The following NME9 variants were observed in gnomAD, a reference collection of about 807,000 sequenced individuals.
NME9 encodes NME/NM23 family member 9.
A neutral mutation model predicts 44.4 loss-of-function variants in NME9; 48 were observed. The observed-to-expected ratio is 1.08, with a 90% CI of 0.86 to 1.37. NME9 has a LOEUF of 1.37. Ranked by LOEUF, NME9 falls within the 40% of genes most tolerant of loss-of-function variation. The pLI is 0.00. For synonymous variants in NME9, 139 were observed against 147.1 expected, an observed-to-expected ratio of 0.94 and a Z score of 0.40; for missense variants, 325 against 405.2, an observed-to-expected ratio of 0.80 and a Z score of 1.70.
At chr3:138,293,043 C>T (rs1370198682) in intron 8 of NME9, among the ~76,000 whole-genome samples, 2 of 152,212 alleles carry the variant, frequency 1.3e-5, no homozygotes, top group East Asian at 3.8e-4. Flanking sequence ...ACCCTCCCCT[C>T]CAGGCTTTGC....
intron 1 of NME9, 53 bp downstream of exon 1, chr3:138,329,250 C>T (rs1426004051): frequency 4.1e-6 from 6 of 1,462,730 alleles, no homozygotes; most frequent in Non-Finnish European, 5.6e-6. Context: ...TAATCACCCT[C>T]CTCTTCCCCG....
At chr3:138,276,634 A>G (rs2049322837) in intron 8 of NME9, among the ~76,000 whole-genome samples, 1 of 152,202 alleles carries the variant, frequency 6.6e-6, no homozygotes, top group Admixed American at 6.5e-5. Flanking sequence ...CTAGCAGTGA[A>G]CAATTGGATA....
chr3:138,291,496 G>T (rs982175885), intron 8 of NME9, among the ~76,000 whole-genome samples: 1 of 152,150 alleles, frequency 6.6e-6, no homozygotes, highest in African/African-American at 2.4e-5. Flanking sequence ...TTAGGCACTG[G>T]AGATATAATG....
At chr3:138,328,965 A>G (rs998561069) in intron 1 of NME9, among the ~76,000 whole-genome samples, 1 of 152,222 alleles carries the variant, frequency 6.6e-6, no homozygotes, top group African/African-American at 2.4e-5. Context: ...CAAGAACAAA[A>G]TAACGGTCAC....
chr3:138,281,178 T>C (rs1273839109), intron 8 of NME9, among the ~76,000 whole-genome samples: 1 of 152,200 alleles, frequency 6.6e-6, no homozygotes, highest in Non-Finnish European at 1.5e-5. Flanking sequence ...CAGTTGTTCA[T>C]ATTAGTATAT....
chr3:138,317,073 TTTAA>T (rs2053138164), intron 4 of NME9, among the ~76,000 whole-genome samples: 1 of 152,220 alleles, frequency 6.6e-6, no homozygotes, highest in Admixed American at 6.5e-5. Flanking sequence ...GGATTTATGC[TTTAA>T]TTGCTATGGG....
At position 138,301,073 on chromosome 3, in the gene NME9, A is replaced by C; in HGVS notation, c.*567T>G. On this transcript the variant is annotated 3_prime_UTR_variant, in exon 11 of 11. Coordinates refer to ENST00000333911, the MANE Select transcript of NME9 (RefSeq NM_001349018.2). ...CCCAGTATCCTCTGAGATGACACTTATATCTCACAACAGGATGTAATAACT... is the reference window on the plus strand; with the variant it reads ...CCCAGTATCCTCTGAGATGACACTTCTATCTCACAACAGGATGTAATAACT... 1 of 972,458 alleles carries C rather than the reference A, an allele frequency of 1.0e-6. No homozygotes were observed. The highest frequency in any genetic ancestry group is 1.2e-6 in the Non-Finnish European group (1 of 818,136). 60.2% of individuals were successfully genotyped at this position (972,458 alleles called of 1,614,324 possible).
chr3:138,324,660 T>C, intron 2 of NME9: 1 of 645,460 alleles, frequency 1.5e-6, no homozygotes, highest in South Asian at 1.6e-5. Flanking sequence ...CTGACTCATT[T>C]CCTGAACTGA....
chr3:138,317,146 A>T (rs1351734769), intron 4 of NME9, among the ~76,000 whole-genome samples: 1 of 152,176 alleles, frequency 6.6e-6, no homozygotes, highest in Non-Finnish European at 1.5e-5. Flanking sequence ...CTCTGATGTC[A>T]AGTGTGTCTG....
chr3:138,264,389 G>A (rs913699544), intron 8 of NME9, among the ~76,000 whole-genome samples: 1 of 150,802 alleles, frequency 6.6e-6, no homozygotes, highest in Non-Finnish European at 1.5e-5. Context: ...GTGTGAGGGG[G>A]AACTACAGGC....
intron 8 of NME9, among the ~76,000 whole-genome samples, chr3:138,264,880 T>C (rs1560012794): frequency 6.6e-6 from 1 of 151,272 alleles, no homozygotes; most frequent in Non-Finnish European, 1.5e-5. Flanking sequence ...GTTCTTAGTC[T>C]CGGCAATCCC....
In NME9 at chr3:138,301,639, C is replaced by T; in HGVS notation, c.*1G>A. On this transcript the variant is annotated 3_prime_UTR_variant, in exon 11 of 11. Coordinates refer to ENST00000333911, the MANE Select transcript of NME9 (RefSeq NM_001349018.2). ...TGCTCTGGAAGAGCAGCACAGCCATCTCAATCCACATCCTCAGGAAAGCAA... is the reference window on the plus strand; with the variant it reads ...TGCTCTGGAAGAGCAGCACAGCCATTTCAATCCACATCCTCAGGAAAGCAA... 1 of 1,536,190 alleles carries T rather than the reference C, an allele frequency of 6.5e-7. No homozygotes were observed. The highest frequency in any genetic ancestry group is 8.7e-7 in the Non-Finnish European group (1 of 1,146,914).
At chr3:138,294,145 T>C (rs1166267002) in intron 8 of NME9, among the ~76,000 whole-genome samples, 2 of 152,180 alleles carry the variant, frequency 1.3e-5, no homozygotes, top group Non-Finnish European at 2.9e-5. Flanking sequence ...TAAAGAGCAA[T>C]ACAGAATTTC....
At chr3:138,311,340 C>T (rs2052689426) in intron 6 of NME9, among the ~76,000 whole-genome samples, 3 of 152,110 alleles carry the variant, frequency 2.0e-5, no homozygotes, top group South Asian at 4.1e-4. Context: ...ACCAATTATA[C>T]TCAAACTCTT....
chr3:138,321,716 G>A (rs186210529), intron 2 of NME9, among the ~76,000 whole-genome samples: 4 of 152,204 alleles, frequency 2.6e-5, no homozygotes, highest in African/African-American at 9.6e-5. Context: ...TAGGAGGAAT[G>A]AGGAAGCCAG....
chr3:138,301,365 G>A lies in NME9; in HGVS notation c.*275C>T, dbSNP rs1023775092. On this transcript the variant is annotated 3_prime_UTR_variant, in exon 11 of 11. Coordinates refer to ENST00000333911, the MANE Select transcript of NME9 (RefSeq NM_001349018.2). ...ATGACAGGTGCACACCACCACGCCCGGCTAATTTTTTGTATTTTTAGTAGA... is the reference window on the plus strand; with the variant it reads ...ATGACAGGTGCACACCACCACGCCCAGCTAATTTTTTGTATTTTTAGTAGA... 5 of 492,860 alleles carry A rather than the reference G, an allele frequency of 1.0e-5. No individual in the cohort carries two copies. Among genetic ancestry groups the A allele is most frequent in the African/African-American group, 2.0e-5 (1 of 49,938 alleles). The allele number at this position is 492,860 out of a possible 1,614,324, so 30.5% of individuals were successfully genotyped here.
At chr3:138,315,773 CT>C in intron 4 of NME9, 130 bp from the exon 5 acceptor site, 1 of 659,950 alleles carries the variant, frequency 1.5e-6, no homozygotes, top group Non-Finnish European at 2.6e-6. Context: ...AGCGTGCTCA[CT>C]TCTGCTGCCC....
intron 8 of NME9, chr3:138,295,783 T>C (rs2051433706): frequency 6.5e-7 from 1 of 1,530,710 alleles, no homozygotes; most frequent in Non-Finnish European, 9.0e-7. Context: ...TCCCCAGCTA[T>C]CATCATTGAA....
intron 10 of NME9, among the ~76,000 whole-genome samples, chr3:138,302,042 G>C (rs1324790648): frequency 1.3e-5 from 2 of 152,170 alleles, no homozygotes; most frequent in Admixed American, 1.3e-4. Flanking sequence ...CCCAGAAAAT[G>C]TAAGTAACTT....
Sources: gnomAD v4.1 joint callset for allele counts (sites outside exome capture counted in the v4.1 genomes callset) on GRCh38, gnomAD v4.1.1 for gene constraint, MANE v1.5 for transcripts, NCBI Gene and HGNC (gene_info 2026-07-23, HGNC 2026-07-21) for gene names.